Variants in HSF2BP observed in about 807,000 individuals in gnomAD.
HSF2BP encodes heat shock factor 2-binding protein.
In HSF2BP, 35 loss-of-function variants were observed where a neutral mutation model predicts 35.0. The observed-to-expected ratio is 1.00, with a 90% CI of 0.76 to 1.32. HSF2BP has a LOEUF of 1.32. Among genes scored for constraint, HSF2BP ranks in the 40% most tolerant of loss-of-function variants. The probability of loss-of-function intolerance (pLI) is 0.00; values close to 1 mark genes in which losing one functional copy is unlikely to be tolerated. For synonymous variants in HSF2BP, 114 were observed against 117.4 expected, an observed-to-expected ratio of 0.97 and a Z score of 0.18; for missense variants, 326 against 321.7, an observed-to-expected ratio of 1.01 and a Z score of -0.10.
chr21:43,640,474 T>TGTG (rs745762779), intron 4 of HSF2BP, among the ~76,000 whole-genome samples: 9 of 152,234 alleles, frequency 5.9e-5, no homozygotes, highest in Non-Finnish European at 5.9e-5. Context: ...CAGTTCCAAG[T>TGTG]GTGGTGGTGG....
rs149637979 is a variant in HSF2BP at position 43,605,696 on chromosome 21, C to T, written c.692+8134G>A. 4.1e-3 allele frequency among the ~76,000 whole-genome samples: 615 copies of T among 150,346 alleles called. 8 individuals are homozygous for T. Among genetic ancestry groups the T allele is most frequent in the African/African-American group, 0.014 (580 of 40,848 alleles). On this transcript the variant is annotated intron_variant, in intron 7 of 8. Coordinates refer to ENST00000291560, the MANE Select transcript of HSF2BP (RefSeq NM_007031.2). ...CACATCCCAATCCCTCATAGTCCCACATATACAAACACACCACAGTCACAC... is the reference window on the plus strand; with the variant it reads ...CACATCCCAATCCCTCATAGTCCCATATATACAAACACACCACAGTCACAC...
rs2081996840 is a variant in HSF2BP, at chr21:43,597,049, A to G, written c.693-4721T>C. 6.6e-6 allele frequency among the ~76,000 whole-genome samples: 1 copy of G among 152,164 alleles called. No homozygotes were observed. The highest frequency in any genetic ancestry group is 1.5e-5 in the Non-Finnish European group (1 of 68,036). ...AGTCCAGGGTCACCAGGGTGGAAAGAAAGGGAAGAAGATACCTAGAAAGGA... is the reference window on the plus strand; with the variant it reads ...AGTCCAGGGTCACCAGGGTGGAAAGGAAGGGAAGAAGATACCTAGAAAGGA... On this transcript the variant is annotated intron_variant, in intron 7 of 8. Coordinates refer to ENST00000291560, the MANE Select transcript of HSF2BP (RefSeq NM_007031.2). This position sits in a 1 kb window ranked among gnomAD's most constrained non-coding sequence, Gnocchi z 4.3.
intron 7 of HSF2BP, among the ~76,000 whole-genome samples, chr21:43,595,815 C>T (rs1462053305): frequency 7.3e-5 from 10 of 137,908 alleles, no homozygotes; most frequent in Non-Finnish European, 1.2e-4. Flanking sequence ...ACCTCCGCCT[C>T]CTGGGTTCAA....
chr21:43,644,336 T>TA lies in HSF2BP; in HGVS notation c.243dup (p.Lys82Ter). ...GCCTGCACGGTTTCCAGGCGGGCTT[T>TA]AAAGTGCTCACAATCCATTTTCAGC... On this transcript the variant is annotated frameshift_variant, in exon 4 of 9. Coordinates refer to ENST00000291560, the MANE Select transcript of HSF2BP (RefSeq NM_007031.2). LOFTEE classifies it high-confidence loss of function. 6.2e-7 allele frequency: 1 copy of TA among 1,614,196 alleles called. No homozygotes were observed. Among genetic ancestry groups the TA allele is most frequent in the African/African-American group, 1.3e-5 (1 of 75,056 alleles).
At chr21:43,609,488 T>G (rs1051669584) in intron 7 of HSF2BP, among the ~76,000 whole-genome samples, 5 of 152,096 alleles carry the variant, frequency 3.3e-5, no homozygotes, top group African/African-American at 1.2e-4. Context: ...AACCCCTATC[T>G]CTGGGTCTAA....
chr21:43,630,567 C>A (rs2082443092), intron 5 of HSF2BP, 113 bp from the exon 6 acceptor site: 5 of 1,297,890 alleles, frequency 3.9e-6, no homozygotes, highest in Middle Eastern at 2.3e-4. Flanking sequence ...ATTGTAAAAT[C>A]TATTCCCTCA....
intron 6 of HSF2BP, among the ~76,000 whole-genome samples, chr21:43,618,086 C>T (rs934033368): frequency 6.6e-6 from 1 of 151,686 alleles, no homozygotes; most frequent in African/African-American, 2.4e-5. Flanking sequence ...ATAATGAGAC[C>T]CCATCTCTAC....
rs2147146107 is a variant in HSF2BP at position 43,658,155 on chromosome 21, G to A, written c.-59C>T. The A allele has an allele frequency of 2.1e-6, 3 of 1,461,376 alleles. No individual in the cohort carries two copies. Among genetic ancestry groups the A allele is most frequent in the East Asian group, 2.6e-5 (1 of 38,634 alleles). The allele number at this position is 1,461,376 out of a possible 1,614,324, so 90.5% of individuals were successfully genotyped here. A position where few individuals can be genotyped will look rare whatever the true frequency, so the allele number is the denominator to read the frequency against. On this transcript the variant is annotated 5_prime_UTR_variant, in exon 2 of 9. Transcript: ENST00000291560. The stretch of plus-strand genomic sequence containing the variant: ...GTCGGCGCGCCCTCTGACCCCTCAC[G>A]CCAGAAAGCGCGGGAACGAATCCAC...
chr21:43,658,150 C>T lies in HSF2BP; in HGVS notation c.-54G>A. 6.7e-7 allele frequency: 1 copy of T among 1,482,586 alleles called. No individual in the cohort carries two copies. Among genetic ancestry groups the T allele is most frequent in the Non-Finnish European group, 8.9e-7 (1 of 1,118,982 alleles). The allele number at this position is 1,482,586 out of a possible 1,614,324, so 91.8% of individuals were successfully genotyped here. On this transcript the variant is annotated 5_prime_UTR_variant, in exon 2 of 9. Transcript: ENST00000291560. ...TGAGCGTCGGCGCGCCCTCTGACCC[C>T]TCACGCCAGAAAGCGCGGGAACGAA...
At chr21:43,596,129 A>T (rs2081984171) in intron 7 of HSF2BP, among the ~76,000 whole-genome samples, 1 of 152,128 alleles carries the variant, frequency 6.6e-6, no homozygotes, top group African/African-American at 2.4e-5. Context: ...CAAATTGATA[A>T]AACTACAAGA....
intron 8 of HSF2BP, among the ~76,000 whole-genome samples, chr21:43,574,220 A>C (rs2081611626): frequency 6.6e-6 from 1 of 152,128 alleles, no homozygotes; most frequent in Non-Finnish European, 1.5e-5. Flanking sequence ...TTAGCACTTA[A>C]ATTTGAAACA....
At chr21:43,649,936 G>A (rs1009354058) in intron 3 of HSF2BP, among the ~76,000 whole-genome samples, 1 of 152,146 alleles carries the variant, frequency 6.6e-6, no homozygotes, top group South Asian at 2.1e-4. Flanking sequence ...ATGTTGCTAG[G>A]TGAACTACTT....
chr21:43,635,290 T>C (rs2082536513), intron 4 of HSF2BP, among the ~76,000 whole-genome samples: 1 of 152,152 alleles, frequency 6.6e-6, no homozygotes, highest in Non-Finnish European at 1.5e-5. Context: ...ACAATCCCTA[T>C]CAAAATCTCA....
intron 7 of HSF2BP, among the ~76,000 whole-genome samples, chr21:43,609,104 A>C (rs536171057): frequency 5.8e-4 from 88 of 152,352 alleles, no homozygotes; most frequent in African/African-American, 2.0e-3. Context: ...AAGAAAGACC[A>C]CCACCATGTC....
chr21:43,605,485 CCA>C (rs956646545), intron 7 of HSF2BP, among the ~76,000 whole-genome samples: 3 of 146,286 alleles, frequency 2.1e-5, no homozygotes, highest in Non-Finnish European at 4.5e-5. Context: ...CACGCCACAC[CCA>C]CACACACACC....
chr21:43,604,825 ACAC>A (rs1238381350), intron 7 of HSF2BP, among the ~76,000 whole-genome samples: 1 of 147,104 alleles, frequency 6.8e-6, no homozygotes, highest in Non-Finnish European at 1.5e-5. Context: ...CCCACATCGC[ACAC>A]CACACACACC....
At chr21:43,606,816 G>A (rs2082140748) in intron 7 of HSF2BP, among the ~76,000 whole-genome samples, 1 of 152,194 alleles carries the variant, frequency 6.6e-6, no homozygotes, top group South Asian at 2.1e-4. Flanking sequence ...AGAGCAACTG[G>A]TTGCTTGAAT....
intron 8 of HSF2BP, among the ~76,000 whole-genome samples, chr21:43,581,394 AAAAAG>A (rs2081729892): frequency 6.6e-6 from 1 of 152,060 alleles, no homozygotes; most frequent in African/African-American, 2.4e-5. Context: ...TCAAAAAAAA[AAAAAG>A]AAAGAAAAGA....
chr21:43,656,814 C>G, intron 2 of HSF2BP, 77 bp from the exon 3 acceptor site: 1 of 1,185,664 alleles, frequency 8.4e-7, no homozygotes, highest in Non-Finnish European at 1.2e-6. Flanking sequence ...ACTTGCTTTT[C>G]TTTCACACCT....
Sources: allele counts gnomAD v4.1 joint callset (sites outside exome capture counted in the v4.1 genomes callset), GRCh38; gene constraint gnomAD v4.1.1; non-coding constraint Gnocchi (gnomAD v3.1); transcripts MANE v1.5; gene names NCBI Gene and HGNC (gene_info 2026-07-23, HGNC 2026-07-21).